FUT8: variants seen among roughly 807,000 people sequenced by gnomAD.
FUT8 encodes the protein fucosyltransferase 8, also known as alpha-(1,6)-fucosyltransferase.
A neutral mutation model predicts 71.3 loss-of-function variants in FUT8; 29 were observed. That is an observed-to-expected ratio of 0.41 (90% CI 0.30 to 0.55). The LOEUF (loss-of-function observed/expected upper bound fraction) is 0.55. Among genes scored for constraint, FUT8 ranks in the 20% least tolerant of loss-of-function variants. FUT8 has a pLI of 0.34. For synonymous variants in FUT8, 254 were observed against 239.3 expected, an observed-to-expected ratio of 1.06 and a Z score of -0.57; for missense variants, 544 against 702.1, an observed-to-expected ratio of 0.77 and a Z score of 2.55.
At chr14:65,720,142 C>G (rs1181293697) in intron 7 of FUT8, among the ~76,000 whole-genome samples, 1 of 152,146 alleles carries the variant, frequency 6.6e-6, no homozygotes, top group African/African-American at 2.4e-5. Flanking sequence ...ATCTGGTCCT[C>G]TATTCTCCTG....
In FUT8 at chr14:65,742,213, T is replaced by C. The variant is rs1232279703; in HGVS notation, c.1531T>C (p.Tyr511His). Residue 511 changes from tyrosine (Y) to histidine (H), a missense_variant, in exon 11 of 11, where the codon TAT becomes CAT. Transcript: ENST00000673929. ...GQNAHNQIAI[Y>H]AHQPRTADEI... Reference sequence around the variant, plus strand: ...GAATGCCCACAATCAAATTGCCATTTATGCTCACCAACCCCGAACTGCAGA... The same window carrying C: ...GAATGCCCACAATCAAATTGCCATTCATGCTCACCAACCCCGAACTGCAGA... 13 of 1,613,120 alleles carry C rather than the reference T, an allele frequency of 8.1e-6. No homozygotes were observed. Among genetic ancestry groups the C allele is most frequent in the Non-Finnish European group, 1.0e-5 (12 of 1,179,456 alleles).
chr14:65,730,698 A>G (rs1165801479), intron 9 of FUT8, among the ~76,000 whole-genome samples: 1 of 152,184 alleles, frequency 6.6e-6, no homozygotes, highest in Non-Finnish European at 1.5e-5. Flanking sequence ...TTCATCCACA[A>G]GATTTTACCA....
chr14:65,705,816 T>C (rs1230292636), intron 7 of FUT8, among the ~76,000 whole-genome samples: 1 of 152,238 alleles, frequency 6.6e-6, no homozygotes. Flanking sequence ...TAGTCATTTA[T>C]TGAATATTTT....
intron 3 of FUT8, among the ~76,000 whole-genome samples, chr14:65,613,189 GAT>G (rs1889098382): frequency 6.6e-6 from 1 of 152,028 alleles, no homozygotes; most frequent in African/African-American, 2.4e-5. Context: ...TTTTGCCTCT[GAT>G]GTTTATTCCA....
intron 6 of FUT8, among the ~76,000 whole-genome samples, chr14:65,648,780 G>A (rs149616050): frequency 4.0e-4 from 61 of 152,112 alleles, no homozygotes; most frequent in African/African-American, 1.4e-3. Flanking sequence ...AGGGAATGAG[G>A]GTAACACTTT....
intron 2 of FUT8, among the ~76,000 whole-genome samples, chr14:65,538,684 C>T (rs1884492004): frequency 6.6e-6 from 1 of 152,118 alleles, no homozygotes; most frequent in Admixed American, 6.6e-5. Flanking sequence ...GTTTGGGTGG[C>T]CGAGGTAGGT....
chr14:65,470,119 A>G (rs2066116575), intron 2 of FUT8, among the ~76,000 whole-genome samples: 1 of 152,198 alleles, frequency 6.6e-6, no homozygotes, highest in Non-Finnish European at 1.5e-5. Flanking sequence ...GAGGGGGCCT[A>G]GGCGGCAGGG....
At chr14:65,692,361 AC>A (rs1323318237) in intron 7 of FUT8, among the ~76,000 whole-genome samples, 2 of 100,320 alleles carry the variant, frequency 2.0e-5, no homozygotes, top group South Asian at 3.4e-4. Flanking sequence ...CGGGGGGCTG[AC>A]CCCCCCACCT....
At chr14:65,473,184 A>G (rs1335671896) in intron 2 of FUT8, among the ~76,000 whole-genome samples, 1 of 152,114 alleles carries the variant, frequency 6.6e-6, no homozygotes, top group Non-Finnish European at 1.5e-5. Context: ...CCCATTTCTA[A>G]CAATGTTTTC....
chr14:65,368,978 A>G, the FUT8 span, among the ~76,000 whole-genome samples: 8 of 151,962 alleles, frequency 5.3e-5, no homozygotes, highest in Admixed American at 4.6e-4. Context: ...ACTTTTAATG[A>G]TATATTATGT....
chr14:65,611,195 ACACGCGCGCGCGCGCGCGCGCGCG>A (rs1257327277), intron 3 of FUT8, among the ~76,000 whole-genome samples: 23 of 14,316 alleles, frequency 1.6e-3, no homozygotes, highest in African/African-American at 2.9e-3. Flanking sequence ...ACACACACAC[ACACGCGCGCGCGCGCGCGCGCGCG>A]CGCGCACACA....
intron 4 of FUT8, 46 bp downstream of exon 4, chr14:65,616,139 A>G: frequency 6.3e-7 from 1 of 1,595,458 alleles, no homozygotes; most frequent in Non-Finnish European, 8.5e-7. Flanking sequence ...TATGGGCTTT[A>G]GCACAGATAA....
At chr14:65,569,136 T>C (rs1384987766) in intron 3 of FUT8, among the ~76,000 whole-genome samples, 1 of 147,476 alleles carries the variant, frequency 6.8e-6, no homozygotes, top group Non-Finnish European at 1.5e-5. Context: ...CTGAGTTTAC[T>C]TTTTTTTTTG....
chr14:65,672,682 A>G (rs1354539079), intron 7 of FUT8, among the ~76,000 whole-genome samples: 2 of 152,094 alleles, frequency 1.3e-5, no homozygotes, highest in Non-Finnish European at 2.9e-5. Flanking sequence ...GCTGATGTCA[A>G]ACTCCTGGCC....
At chr14:65,704,504 C>T (rs1044002597) in intron 7 of FUT8, among the ~76,000 whole-genome samples, 2 of 151,596 alleles carry the variant, frequency 1.3e-5, no homozygotes, top group Non-Finnish European at 2.9e-5. Flanking sequence ...TCCTTTGAGC[C>T]GGAAGGAGGT....
At chr14:65,520,311 T>C (rs948725483) in intron 2 of FUT8, among the ~76,000 whole-genome samples, 2 of 152,146 alleles carry the variant, frequency 1.3e-5, no homozygotes, top group African/African-American at 4.8e-5. Context: ...TTAATAAATA[T>C]TAGGTTGAAC....
At position 65,574,949 on chromosome 14, in the gene FUT8, T is replaced by A. The variant is rs1886673715; in HGVS notation, c.203+13183T>A. ...TTTCGTTGATGTTGCAGGATTAATA[T>A]TGTATACTCTTTTTGTGGATGATGG... On this transcript the variant is annotated intron_variant, in intron 3 of 10. Coordinates refer to ENST00000673929, the MANE Select transcript of FUT8 (RefSeq NM_001371533.1). The surrounding 1 kb of genome is among the most constrained non-coding windows in gnomAD (Gnocchi z 5.2). Among the ~76,000 whole-genome samples, 3 of 152,180 alleles carry A rather than the reference T, an allele frequency of 2.0e-5. No homozygotes were observed. The highest frequency in any genetic ancestry group is 4.4e-5 in the Non-Finnish European group (3 of 68,014).
Position 65,550,201 on chromosome 14 carries a change from C to G in FUT8, c.-227-11136C>G, listed in dbSNP as rs990767510. Among the ~76,000 whole-genome samples the G allele has an allele frequency of 3.3e-5, 5 of 152,028 alleles. No individual in the cohort carries two copies. Among genetic ancestry groups the G allele is most frequent in the African/African-American group, 1.2e-4 (5 of 41,392 alleles). On this transcript the variant is annotated intron_variant, in intron 2 of 10. Coordinates refer to ENST00000673929, the MANE Select transcript of FUT8 (RefSeq NM_001371533.1). The surrounding 1 kb of genome is among the most constrained non-coding windows in gnomAD (Gnocchi z 4.5). ...TGGTAGAAGGCAAAGGGGGAGCCAGCGTATCACATGGTGAGAAGGGGTGCA... is the reference window on the plus strand; with the variant it reads ...TGGTAGAAGGCAAAGGGGGAGCCAGGGTATCACATGGTGAGAAGGGGTGCA...
chr14:65,701,927 A>G (rs1046493749), intron 7 of FUT8, among the ~76,000 whole-genome samples: 2 of 152,198 alleles, frequency 1.3e-5, no homozygotes, highest in Non-Finnish European at 2.9e-5. Flanking sequence ...TCTCACTGAA[A>G]CTATGATAAT....
Sources: gnomAD v4.1 joint callset for allele counts (sites outside exome capture counted in the v4.1 genomes callset) on GRCh38, gnomAD v4.1.1 for gene constraint, Gnocchi (gnomAD v3.1) non-coding constraint, MANE v1.5 for transcripts, NCBI Gene and HGNC (gene_info 2026-07-23, HGNC 2026-07-21) for gene names.